DYNC2I1: variants seen among roughly 807,000 people sequenced by gnomAD.
DYNC2I1 encodes the protein dynein 2 intermediate chain 1.
Under a neutral mutation model 133.4 loss-of-function variants are expected in DYNC2I1, and 89 were observed. That is an observed-to-expected ratio of 0.67 (90% CI 0.56 to 0.80). The LOEUF (loss-of-function observed/expected upper bound fraction) is 0.80, where lower values mean the gene tolerates loss of function less well. DYNC2I1 is among the 30% of genes least tolerant of loss of function. The pLI is 0.00. For missense variants in DYNC2I1, 1,291 were observed against 1,314.5 expected (o/e 0.98, Z 0.28); for synonymous variants, 504 against 484.3 (o/e 1.04, Z -0.54).
downstream of DYNC2I1, among the ~76,000 whole-genome samples, chr7:158,946,698 T>C (rs1851895869): frequency 6.6e-6 from 1 of 152,234 alleles, no homozygotes; most frequent in African/African-American, 2.4e-5. Context: ...ATTCAAACCA[T>C]AGCACAAAGA....
At chr7:158,940,929 AAAGC>A (rs1262012650) in intron 23 of DYNC2I1, among the ~76,000 whole-genome samples, 2 of 152,346 alleles carry the variant, frequency 1.3e-5, no homozygotes, top group East Asian at 1.9e-4. Context: ...AGGAAGGAGA[AAAGC>A]AAGAACAAAC....
chr7:158,895,254 A>G (rs1367254430), intron 8 of DYNC2I1, among the ~76,000 whole-genome samples: 3 of 152,134 alleles, frequency 2.0e-5, no homozygotes, highest in Non-Finnish European at 4.4e-5. Flanking sequence ...GTCCTGTGCT[A>G]TTTCCTAAGA....
rs576354506 is a variant in DYNC2I1 at position 158,956,180 on chromosome 7, G to A, written c.*57-403G>A. On this transcript the variant is annotated intron_variant and NMD_transcript_variant, in intron 4 of 4. Transcript: ENST00000454771. ...GAGAGTTTTCCTGGGACACAGCCAC[G>A]TGCCCTTGTCTCCATCTTTCTGTGG... Among the ~76,000 whole-genome samples the A allele has an allele frequency of 2.6e-5, 4 of 152,344 alleles. No individual in the cohort carries two copies. The East Asian group carries it at 7.7e-4, about 29-fold the overall frequency.
chr7:158,855,710 G>A (rs1341021602), upstream of DYNC2I1, among the ~76,000 whole-genome samples: 2 of 152,258 alleles, frequency 1.3e-5, no homozygotes, highest in East Asian at 3.9e-4. Flanking sequence ...CTCTTTTACT[G>A]CCTCAGTCAT....
At chr7:158,899,125 A>G (rs892902034) in intron 8 of DYNC2I1, among the ~76,000 whole-genome samples, 2 of 152,238 alleles carry the variant, frequency 1.3e-5, no homozygotes, top group African/African-American at 2.4e-5. Flanking sequence ...TAACCTATGC[A>G]TGTTCTCCCA....
intron 1 of DYNC2I1, among the ~76,000 whole-genome samples, chr7:158,859,548 G>T (rs1841687042): frequency 6.6e-6 from 1 of 152,098 alleles, no homozygotes; most frequent in Non-Finnish European, 1.5e-5. Flanking sequence ...TGTCGCCCAG[G>T]CTGGAGTGCA....
intron 23 of DYNC2I1, among the ~76,000 whole-genome samples, chr7:158,935,662 C>T (rs1261894284): frequency 2.0e-5 from 3 of 152,168 alleles, no homozygotes; most frequent in Non-Finnish European, 2.9e-5. Context: ...TGAGTAATGT[C>T]CCCCTGTGGC....
intron 1 of DYNC2I1, among the ~76,000 whole-genome samples, chr7:158,864,102 C>T (rs1387697910): frequency 8.6e-6 from 1 of 116,610 alleles, no homozygotes; most frequent in East Asian, 2.3e-4. Flanking sequence ...GGGAGAGGGA[C>T]GTCCTTAGCT....
downstream of DYNC2I1, among the ~76,000 whole-genome samples, chr7:158,948,777 C>T (rs559338297): frequency 3.9e-5 from 6 of 152,250 alleles, no homozygotes; most frequent in South Asian, 1.0e-3. Flanking sequence ...GGGGTCCAGT[C>T]GCGGCTGTGG....
At chr7:158,861,602 T>G (rs1841874602) in intron 1 of DYNC2I1, among the ~76,000 whole-genome samples, 1 of 152,220 alleles carries the variant, frequency 6.6e-6, no homozygotes, top group Admixed American at 6.5e-5. Context: ...AGCAGCATTT[T>G]AGGCATCTGC....
downstream of DYNC2I1, among the ~76,000 whole-genome samples, chr7:158,950,464 C>T (rs10949747): frequency 0.096 from 9,371 of 97,368 alleles, 263 homozygotes; most frequent in East Asian, 0.29. Context: ...AGCCTCTATA[C>T]GATTCCAGGT....
At chr7:158,903,574 A>G (rs1353997486) in intron 10 of DYNC2I1, 1 of 152,220 alleles carries the variant, frequency 6.6e-6, no homozygotes, top group Non-Finnish European at 1.5e-5. Flanking sequence ...CAGTGCTGAT[A>G]GAGCGTTCTT....
At chr7:158,915,195 C>T (rs1191392977) in intron 14 of DYNC2I1, among the ~76,000 whole-genome samples, 9 of 139,958 alleles carry the variant, frequency 6.4e-5, no homozygotes, top group East Asian at 2.3e-4. Context: ...TGTGAAACCT[C>T]GACACGCTGG....
intron 17 of DYNC2I1, among the ~76,000 whole-genome samples, chr7:158,925,671 G>T (rs1275647538): frequency 6.6e-6 from 1 of 152,154 alleles, no homozygotes; most frequent in Admixed American, 6.5e-5. Flanking sequence ...GGTAGGTGGG[G>T]TGGGTTTGCC....
At chr7:158,952,160 C>T (rs559041457) in intron 4 of DYNC2I1, among the ~76,000 whole-genome samples, 19 of 152,252 alleles carry the variant, frequency 1.2e-4, no homozygotes, top group East Asian at 3.9e-4. Flanking sequence ...CCGAGGAGGG[C>T]GCGGTAAACA....
intron 14 of DYNC2I1, among the ~76,000 whole-genome samples, chr7:158,916,318 T>A (rs868084488): frequency 1.0e-5 from 1 of 97,966 alleles, no homozygotes; most frequent in Non-Finnish European, 2.3e-5. Context: ...TAAGGATGAT[T>A]GTGAAACGTC....
the DYNC2I1 span, among the ~76,000 whole-genome samples, chr7:158,850,015 GC>G: frequency 6.6e-6 from 1 of 152,184 alleles, no homozygotes; most frequent in Non-Finnish European, 1.5e-5. Flanking sequence ...GCCTCCCACT[GC>G]CATTCATGGC....
intron 23 of DYNC2I1, among the ~76,000 whole-genome samples, chr7:158,938,601 T>G (rs1025349340): frequency 6.6e-6 from 1 of 151,932 alleles, no homozygotes; most frequent in African/African-American, 2.4e-5. Context: ...ACTAAAAATA[T>G]AAAAATTAGC....
At position 158,922,547 on chromosome 7, in the gene DYNC2I1, C is replaced by G. The variant is rs746480292; in HGVS notation, c.2092C>G (p.Gln698Glu). 1.9e-6 allele frequency: 3 copies of G among 1,613,212 alleles called. No homozygotes were observed. Among genetic ancestry groups the G allele is most frequent in the Non-Finnish European group, 2.5e-6 (3 of 1,179,652 alleles). The stretch of plus-strand genomic sequence containing the variant: ...ACAGAAAGTTCTGATATGTGAGTCC[C>G]AGGTACAGCTCAGGATGAGAGTCGC... ...GPQKVLICESQVTCCCLSPLK... is the reference protein window; with the variant it reads ...GPQKVLICESEVTCCCLSPLK... Residue 698 changes from glutamine to glutamate, a missense_variant and splice_region_variant, in exon 16 of 25, where the codon CAG (glutamine) becomes GAG (glutamate). By Grantham distance (29) the Gln-to-Glu change is conservative. Coordinates refer to ENST00000407559, the MANE Select transcript of DYNC2I1 (RefSeq NM_018051.5).
Sources: allele counts gnomAD v4.1 joint callset (sites outside exome capture counted in the v4.1 genomes callset), GRCh38; gene constraint gnomAD v4.1.1; transcripts MANE v1.5; gene names NCBI Gene and HGNC (gene_info 2026-07-23, HGNC 2026-07-21).